Variants in SGCD observed in about 807,000 individuals in gnomAD.
SGCD encodes delta-sarcoglycan.
SGCD carries 18 observed loss-of-function variants against 36.6 expected under a neutral mutation model. The observed-to-expected ratio is 0.49, with a 90% CI of 0.34 to 0.73. The LOEUF is 0.73. SGCD is among the 30% of genes least tolerant of loss of function. The probability of loss-of-function intolerance (pLI) is 0.01; values close to 1 mark genes in which losing one functional copy is unlikely to be tolerated. For missense variants in SGCD, 387 were observed against 346.7 expected (o/e 1.12, Z -0.92); for synonymous variants, 133 against 130.6 (o/e 1.02, Z -0.12).
chr5:156,367,247 G>A (rs748038335), intron 3 of SGCD, among the ~76,000 whole-genome samples: 9 of 152,204 alleles, frequency 5.9e-5, no homozygotes, highest in Non-Finnish European at 1.2e-4. Flanking sequence ...TGAGAAAGGG[G>A]TAGAAAGAGG....
intron 4 of SGCD, among the ~76,000 whole-genome samples, chr5:156,568,154 C>G (rs1287541509): frequency 6.6e-6 from 1 of 152,140 alleles, no homozygotes; most frequent in African/African-American, 2.4e-5. Context: ...CTTTAGGAGG[C>G]TGAGGCAGGC....
the SGCD span, among the ~76,000 whole-genome samples, chr5:155,756,193 A>G: frequency 6.6e-6 from 1 of 152,236 alleles, no homozygotes; most frequent in Non-Finnish European, 1.5e-5. Context: ...ACTTTTGTAC[A>G]GCACCACTGG....
intron 4 of SGCD, among the ~76,000 whole-genome samples, chr5:156,535,785 C>G (rs1011480378): frequency 6.6e-6 from 1 of 152,076 alleles, no homozygotes; most frequent in African/African-American, 2.4e-5. Context: ...AGTAAATATT[C>G]CAAAATGTTA....
At chr5:156,455,105 G>A (rs890140612) in intron 3 of SGCD, among the ~76,000 whole-genome samples, 6 of 152,144 alleles carry the variant, frequency 3.9e-5, no homozygotes, top group African/African-American at 1.4e-4. Flanking sequence ...GCAATAAATA[G>A]ATACTTGGCA....
rs77092270 is a variant in SGCD, at chr5:156,334,397, C to G, written c.3+4818C>G. On this transcript the variant is annotated intron_variant, in intron 2 of 8. Transcript: ENST00000337851. ...GATGTTTGAAATTATTTTTGCTGCC[C>G]AAGGGCATTCAGTTCACATATTCTT... Among the ~76,000 whole-genome samples, 41 of 152,270 alleles carry G rather than the reference C, an allele frequency of 2.7e-4. No individual in the cohort carries two copies. The East Asian group carries it at 7.9e-3, about 29-fold the overall frequency.
intron 1 of SGCD, among the ~76,000 whole-genome samples, chr5:156,067,890 T>C (rs1760378279): frequency 1.6e-5 from 2 of 128,924 alleles, no homozygotes; most frequent in South Asian, 4.2e-4. Flanking sequence ...AATGCAGAAA[T>C]CACCGTCTTC....
chr5:156,760,866 G>T lies in SGCD; in HGVS notation c.*1476G>T, dbSNP rs1445010578. ...TTGTTACCTATAGTTTACTTTGGGT[G>T]ATTGGAGGGGAATGACTTAGTTATG... On this transcript the variant is annotated 3_prime_UTR_variant, in exon 9 of 9. Transcript: ENST00000337851. 6.6e-6 allele frequency: 1 copy of T among 152,668 alleles called. No homozygotes were observed. Among genetic ancestry groups the T allele is most frequent in the African/African-American group, 2.4e-5 (1 of 41,454 alleles). The allele number at this position is 152,668 out of a possible 1,614,324, so 9.5% of individuals were successfully genotyped here.
At chr5:156,314,047 T>A (rs886991278) in intron 3 of SGCD, among the ~76,000 whole-genome samples, 1 of 152,024 alleles carries the variant, frequency 6.6e-6, no homozygotes, top group Non-Finnish European at 1.5e-5. Flanking sequence ...TCATTGAATC[T>A]GTGATAAGAT....
intron 3 of SGCD, among the ~76,000 whole-genome samples, chr5:156,312,762 A>G (rs1767421090): frequency 6.6e-6 from 1 of 152,178 alleles, no homozygotes; most frequent in Non-Finnish European, 1.5e-5. Context: ...TAAGTAATAC[A>G]TGAAAAGCAT....
intron 3 of SGCD, among the ~76,000 whole-genome samples, chr5:156,353,385 A>G (rs1205830496): frequency 6.6e-6 from 1 of 152,190 alleles, no homozygotes; most frequent in Non-Finnish European, 1.5e-5. Context: ...GATTATGAAA[A>G]GGTATTTTTA....
chr5:156,706,956 T>A (rs1475965030), intron 7 of SGCD, among the ~76,000 whole-genome samples: 1 of 152,224 alleles, frequency 6.6e-6, no homozygotes, highest in African/African-American at 2.4e-5. Flanking sequence ...TTCTGTCATT[T>A]CTTACTTAAA....
intron 4 of SGCD, among the ~76,000 whole-genome samples, chr5:156,533,585 G>A (rs2113112168): frequency 6.6e-6 from 1 of 152,244 alleles, no homozygotes; most frequent in South Asian, 2.1e-4. Flanking sequence ...AATTTCCAAA[G>A]ACATGGACTT....
In SGCD at chr5:155,914,182, T is replaced by C. The variant is rs554071730; in HGVS notation, c.-282+43758T>C. On this transcript the variant is annotated intron_variant, in intron 1 of 9. Transcript: ENST00000517913. ...AGTGTTGTGTCTTGAATTATTATTG[T>C]GGTTTTTAGGTGTGCCAGGAGCCCT... 7.2e-5 allele frequency among the ~76,000 whole-genome samples: 11 copies of C among 152,262 alleles called. No homozygotes were observed. The South Asian group carries it at 1.2e-3, about 17-fold the overall frequency.
chr5:156,684,103 T>C (rs1753819665), intron 7 of SGCD, among the ~76,000 whole-genome samples: 1 of 152,182 alleles, frequency 6.6e-6, no homozygotes, highest in African/African-American at 2.4e-5. Context: ...TAGTAGGTCA[T>C]TAACAAACAT....
At chr5:156,067,526 G>T (rs1346200992) in intron 1 of SGCD, among the ~76,000 whole-genome samples, 2 of 73,398 alleles carry the variant, frequency 2.7e-5, no homozygotes, top group Non-Finnish European at 4.3e-5. Flanking sequence ...AATGGCGGGC[G>T]CCCCTCCCCC....
chr5:155,751,192 T>C, the SGCD span, among the ~76,000 whole-genome samples: 6 of 152,194 alleles, frequency 3.9e-5, no homozygotes, highest in Non-Finnish European at 8.8e-5. Context: ...TAAGAGACTA[T>C]TAAAGAGCAT....
the SGCD span, among the ~76,000 whole-genome samples, chr5:155,839,938 CTT>C: frequency 6.8e-6 from 1 of 148,134 alleles, no homozygotes; most frequent in African/African-American, 2.5e-5. Flanking sequence ...TTTGAAAACA[CTT>C]TTTTTTTTTT....
chr5:156,510,639 T>A (rs185348195), intron 4 of SGCD, among the ~76,000 whole-genome samples: 4 of 152,290 alleles, frequency 2.6e-5, no homozygotes, highest in Admixed American at 2.0e-4. Context: ...TCTCAAAACT[T>A]GAATAGCATT....
intron 6 of SGCD, among the ~76,000 whole-genome samples, chr5:156,623,726 G>T (rs1387470205): frequency 6.6e-6 from 1 of 152,218 alleles, no homozygotes; most frequent in South Asian, 2.1e-4. Context: ...AAATCAATAT[G>T]CAGGGTGCCT....
Sources: gnomAD v4.1 joint callset for allele counts (sites outside exome capture counted in the v4.1 genomes callset) on GRCh38, gnomAD v4.1.1 for gene constraint, MANE v1.5 for transcripts, NCBI Gene and HGNC (gene_info 2026-07-23, HGNC 2026-07-21) for gene names.